The following TTLL1 variants were observed in gnomAD, a reference collection of about 807,000 sequenced individuals.
TTLL1 encodes polyglutamylase complex subunit TTLL1.
A neutral mutation model predicts 47.8 loss-of-function variants in TTLL1; 33 were observed. The ratio of observed to expected loss-of-function variants is 0.69; its 90% confidence interval spans 0.52 to 0.92. TTLL1 has a LOEUF of 0.92. Ranked by LOEUF, TTLL1 falls within the 40% of genes least tolerant of loss-of-function variation. The pLI, the probability that TTLL1 is intolerant of heterozygous loss-of-function variation, is 0.00. For synonymous variants in TTLL1, 225 were observed against 214.1 expected (o/e 1.05, Z -0.45); for missense variants, 488 against 547.5 (o/e 0.89, Z 1.08).
In TTLL1 at chr22:43,068,315, A is replaced by C. The variant is rs1031343527; in HGVS notation, c.503+95T>G. 31 of 1,086,908 alleles carry C rather than the reference A, an allele frequency of 2.9e-5. No homozygotes were observed. In the African/African-American group the frequency reaches 4.5e-4, roughly 16 times the overall value. The allele number at this position is 1,086,908 out of a possible 1,614,324, so 67.3% of individuals were successfully genotyped here. A position where few individuals can be genotyped will look rare whatever the true frequency, so the allele number is the denominator to read the frequency against. On this transcript the variant is annotated intron_variant, in intron 5 of 10. Coordinates refer to ENST00000266254, the MANE Select transcript of TTLL1 (RefSeq NM_012263.5). The stretch of plus-strand genomic sequence containing the variant: ...CTGGGCGACAGAGTGAGACTCTGTC[A>C]AAAAAAAACCAAACAAAAACCCACA...
At chr22:43,041,215 G>A (rs951576698) in intron 10 of TTLL1, 1 of 152,248 alleles carries the variant, frequency 6.6e-6, no homozygotes, top group African/African-American at 2.4e-5. Context: ...CCATAGCGCT[G>A]AGGAGTGTGG....
intron 8 of TTLL1, among the ~76,000 whole-genome samples, chr22:43,054,749 G>A (rs1182354107): frequency 8.5e-6 from 1 of 117,226 alleles, no homozygotes; most frequent in African/African-American, 3.5e-5. Flanking sequence ...TTTTTGAGAC[G>A]GAGTCTTGCT....
chr22:43,088,480 G>A (rs1267476785), intron 1 of TTLL1, among the ~76,000 whole-genome samples: 1 of 148,294 alleles, frequency 6.7e-6, no homozygotes, highest in Non-Finnish European at 1.5e-5. Context: ...GGGACTACAG[G>A]CCCCCGCCAC....
At chr22:43,042,922 G>A (rs1215313237) in intron 10 of TTLL1, among the ~76,000 whole-genome samples, 1 of 151,428 alleles carries the variant, frequency 6.6e-6, no homozygotes, top group Non-Finnish European at 1.5e-5. Context: ...TGAGGCTCTG[G>A]CCTCTGCTGC....
In TTLL1 at chr22:43,068,418, C is replaced by T; in HGVS notation, c.495G>A (p.Lys165=). Residue 165 remains lysine, a synonymous_variant, in exon 5 of 11, where the codon AAG becomes AAA. Transcript: ENST00000266254. ...SQIKKWSRDS[K]TSSFVSQSNK... ...TGGCTGCCCACACTTACGAAGATGTCTTGCTGTCCCGGGACCACTTTTTGA... is the reference window on the plus strand; with the variant it reads ...TGGCTGCCCACACTTACGAAGATGTTTTGCTGTCCCGGGACCACTTTTTGA... The T allele has an allele frequency of 1.3e-6, 2 of 1,510,622 alleles. No homozygotes were observed. The highest frequency in any genetic ancestry group is 1.8e-6 in the Non-Finnish European group (2 of 1,111,076). 93.6% of individuals were successfully genotyped at this position (1,510,622 alleles called of 1,614,324 possible). A position where few individuals can be genotyped will look rare whatever the true frequency, so the allele number is the denominator to read the frequency against.
chr22:43,052,612 G>C (rs1299868615), intron 8 of TTLL1, among the ~76,000 whole-genome samples: 1 of 152,120 alleles, frequency 6.6e-6, no homozygotes, highest in Non-Finnish European at 1.5e-5. Flanking sequence ...GTGGTGGTAT[G>C]TGCCATTAGT....
chr22:43,074,650 G>T (rs1404404039), intron 3 of TTLL1, among the ~76,000 whole-genome samples: 1 of 151,842 alleles, frequency 6.6e-6, no homozygotes, highest in African/African-American at 2.4e-5. Context: ...AGACCAGCCT[G>T]GGCAACATGG....
chr22:43,078,039 T>C (rs1295115821), intron 2 of TTLL1, among the ~76,000 whole-genome samples: 1 of 144,264 alleles, frequency 6.9e-6, no homozygotes, highest in Non-Finnish European at 1.5e-5. Flanking sequence ...ATCTGGGAGG[T>C]CAAGCTGCTG....
At chr22:43,053,076 A>T (rs529249015) in intron 8 of TTLL1, among the ~76,000 whole-genome samples, 3 of 152,156 alleles carry the variant, frequency 2.0e-5, no homozygotes, top group African/African-American at 7.2e-5. Context: ...ACAAACAAAC[A>T]AACAAAAAAC....
In TTLL1 at chr22:43,045,045, T is replaced by C. The variant is rs1044593302; in HGVS notation, c.1142+1365A>G. ...ACCCGGCTAATTTTTGTATTTTTAG[T>C]AGAGATACAGTTTCACCATGTTGGT... On this transcript the variant is annotated intron_variant, in intron 10 of 10. Transcript: ENST00000266254. Among the ~76,000 whole-genome samples, 6 of 152,278 alleles carry C rather than the reference T, an allele frequency of 3.9e-5. 1 individual carries two copies. The highest frequency in any genetic ancestry group is 1.4e-4 in the African/African-American group (6 of 41,554).
chr22:43,054,712 C>T (rs183758693), intron 8 of TTLL1, among the ~76,000 whole-genome samples: 6 of 147,860 alleles, frequency 4.1e-5, no homozygotes, highest in Admixed American at 2.8e-4. Context: ...GCATGAGCCA[C>T]TGCACCTGGC....
chr22:43,048,324 A>T (rs1043164876), intron 9 of TTLL1, among the ~76,000 whole-genome samples: 17 of 151,202 alleles, frequency 1.1e-4, no homozygotes, highest in African/African-American at 4.2e-4. Flanking sequence ...CTCAAAAAAA[A>T]AGAAAGAAAA....
intron 5 of TTLL1, among the ~76,000 whole-genome samples, chr22:43,068,124 A>T (rs1309533948): frequency 7.2e-6 from 1 of 138,624 alleles, no homozygotes; most frequent in Non-Finnish European, 1.5e-5. Flanking sequence ...GCAAAACCCC[A>T]TCTCTATTTA....
chr22:43,062,909 T>TA (rs1327507989), intron 7 of TTLL1, among the ~76,000 whole-genome samples: 1 of 152,192 alleles, frequency 6.6e-6, no homozygotes, highest in African/African-American at 2.4e-5. Context: ...TTAGAACACT[T>TA]ACAATAGCCT....
At chr22:43,083,925 C>T (rs1019919946) in intron 1 of TTLL1, among the ~76,000 whole-genome samples, 3 of 152,152 alleles carry the variant, frequency 2.0e-5, no homozygotes, top group Non-Finnish European at 4.4e-5. Flanking sequence ...AACAGATCAG[C>T]TGAGCCAACT....
intron 10 of TTLL1, among the ~76,000 whole-genome samples, chr22:43,044,448 T>A (rs1052249209): frequency 2.6e-5 from 4 of 152,022 alleles, no homozygotes; most frequent in East Asian, 1.9e-4. Flanking sequence ...GGCTTCAGAG[T>A]CCTCCCACCA....
At chr22:43,075,128 G>C (rs978706596) in intron 3 of TTLL1, among the ~76,000 whole-genome samples, 1 of 152,130 alleles carries the variant, frequency 6.6e-6, no homozygotes, top group Non-Finnish European at 1.5e-5. Context: ...TCGCACCATT[G>C]CACTCCAGCC....
chr22:43,081,846 CTTTTTT>C (rs58743481), intron 1 of TTLL1, among the ~76,000 whole-genome samples: 1 of 56,416 alleles, frequency 1.8e-5, no homozygotes. Flanking sequence ...CACACCTGGC[CTTTTTT>C]TTTTTTTTTT....
rs145363831 is a variant in TTLL1, at chr22:43,079,472, C to T, written c.-5+430G>A. On this transcript the variant is annotated intron_variant, in intron 2 of 10. Coordinates refer to ENST00000266254, the MANE Select transcript of TTLL1 (RefSeq NM_012263.5). ...CACGCCAATGGCTCAGGGAACTTTT[C>T]ATTTTCACTATGTGATTTCAGCCTC... 1.2e-3 allele frequency among the ~76,000 whole-genome samples: 180 copies of T among 152,354 alleles called. 1 individual carries two copies. Among genetic ancestry groups the T allele is most frequent in the African/African-American group, 4.2e-3 (174 of 41,590 alleles).
Sources: gnomAD v4.1 joint callset for allele counts (sites outside exome capture counted in the v4.1 genomes callset) on GRCh38, gnomAD v4.1.1 for gene constraint, MANE v1.5 for transcripts, NCBI Gene and HGNC (gene_info 2026-07-23, HGNC 2026-07-21) for gene names.